Variants in COL25A1 observed in about 807,000 individuals in gnomAD.
The protein encoded by COL25A1 is collagen alpha-1(XXV) chain.
Under a neutral mutation model 128.4 loss-of-function variants are expected in COL25A1, and 103 were observed. The ratio of observed to expected loss-of-function variants is 0.80; its 90% CI spans 0.68 to 0.94. COL25A1 has a LOEUF of 0.94. COL25A1 is among the 40% of genes least tolerant of loss of function. COL25A1 has a pLI of 0.00. For missense variants in COL25A1, 745 were observed against 840.0 expected (o/e 0.89, Z 1.40); for synonymous variants, 279 against 277.2 (o/e 1.01, Z -0.06).
intron 8 of COL25A1, among the ~76,000 whole-genome samples, chr4:108,950,979 C>G (rs1031930147): frequency 6.6e-6 from 1 of 152,116 alleles, no homozygotes; most frequent in East Asian, 1.9e-4. Context: ...AATTGAGACA[C>G]GTGAAGATGA....
chr4:108,879,522 A>T (rs1578638556), intron 19 of COL25A1, among the ~76,000 whole-genome samples: 1 of 152,128 alleles, frequency 6.6e-6, no homozygotes, highest in South Asian at 2.1e-4. Flanking sequence ...ATCCCGGCTC[A>T]CTGCAGCCTC....
intron 32 of COL25A1, among the ~76,000 whole-genome samples, chr4:108,829,993 A>C (rs1732886380): frequency 6.6e-6 from 1 of 152,202 alleles, no homozygotes; most frequent in Non-Finnish European, 1.5e-5. Context: ...CATGTGGAAA[A>C]GGGCTCCCAA....
intron 5 of COL25A1, among the ~76,000 whole-genome samples, chr4:109,044,867 C>A (rs997559961): frequency 1.3e-5 from 2 of 152,148 alleles, no homozygotes; most frequent in African/African-American, 4.8e-5. Context: ...ATTAAAATTA[C>A]AGAAACTGTC....
At chr4:108,956,223 G>A (rs1275607283) in intron 8 of COL25A1, among the ~76,000 whole-genome samples, 2 of 152,082 alleles carry the variant, frequency 1.3e-5, no homozygotes, top group African/African-American at 2.4e-5. Context: ...TATGTAACTG[G>A]ATTTCAGCAA....
chr4:109,226,204 AT>A (rs1778794344), intron 3 of COL25A1, among the ~76,000 whole-genome samples: 2 of 152,106 alleles, frequency 1.3e-5, no homozygotes, highest in Admixed American at 1.3e-4. Flanking sequence ...GGAGTGTGGA[AT>A]AATAGACTGG....
chr4:108,923,286 G>A (rs551765364), intron 11 of COL25A1, among the ~76,000 whole-genome samples: 3 of 152,258 alleles, frequency 2.0e-5, no homozygotes, highest in African/African-American at 2.4e-5. Context: ...TGGTACAAAT[G>A]TAAGTTTATA....
intron 20 of COL25A1, 40 bp from the exon 21 acceptor site, chr4:108,863,427 C>A (rs376632978): frequency 3.2e-6 from 5 of 1,552,524 alleles, no homozygotes; most frequent in Non-Finnish European, 2.6e-6. Context: ...TCATTCCCCC[C>A]ACCCAGGCTG....
intron 3 of COL25A1, among the ~76,000 whole-genome samples, chr4:109,131,687 G>A (rs1260436906): frequency 4.6e-5 from 7 of 152,154 alleles, no homozygotes; most frequent in Admixed American, 3.3e-4. Context: ...CAGGAGAGCA[G>A]GAGTGTGACG....
chr4:108,809,874 A>T lies in COL25A1; in HGVS notation c.*4053T>A, dbSNP rs1730658539. On this transcript the variant is annotated 3_prime_UTR_variant, in exon 38 of 38. Coordinates refer to ENST00000399132, the MANE Select transcript of COL25A1 (RefSeq NM_198721.4). ...ATTTTAATAGCCAGAATCACATGTG[A>T]TTGTTCTTACTTATTATTTTTAGAA... is the stretch of plus-strand genomic sequence containing the variant. 6.6e-6 allele frequency: 1 copy of T among 152,046 alleles called. No individual in the cohort carries two copies. Among genetic ancestry groups the T allele is most frequent in the African/African-American group, 2.4e-5 (1 of 41,458 alleles). The allele number at this position is 152,046 out of a possible 1,614,324, so 9.4% of individuals were successfully genotyped here. A position where few individuals can be genotyped will look rare whatever the true frequency, so the allele number is the denominator to read the frequency against.
intron 3 of COL25A1, among the ~76,000 whole-genome samples, chr4:109,159,518 C>T (rs1421919801): frequency 6.6e-6 from 1 of 152,178 alleles, no homozygotes; most frequent in Admixed American, 6.5e-5. Flanking sequence ...TAGGTCTTTG[C>T]CTCCCCAGCA....
At chr4:108,889,116 A>G (rs554359533) in intron 18 of COL25A1, 105 bp downstream of exon 18, 2 of 1,096,144 alleles carry the variant, frequency 1.8e-6, no homozygotes, top group South Asian at 2.8e-5. Context: ...CAAAACATGA[A>G]AACCGCATCA....
Position 108,813,576 on chromosome 4 carries a change from G to T in COL25A1, c.*351C>A. The stretch of plus-strand genomic sequence containing the variant: ...AGTCCATATTTGGTCACCATTTCAT[G>T]TAAACTATTTCATGGCACTTTTTGT... On this transcript the variant is annotated 3_prime_UTR_variant, in exon 38 of 38. Transcript: ENST00000399132. The T allele has an allele frequency of 4.3e-6, 1 of 232,616 alleles. No homozygotes were observed. The highest frequency in any genetic ancestry group is 8.4e-6 in the Non-Finnish European group (1 of 118,920). 14.4% of individuals were successfully genotyped at this position (232,616 alleles called of 1,614,324 possible).
At chr4:109,225,540 G>C (rs1778744953) in intron 3 of COL25A1, among the ~76,000 whole-genome samples, 1 of 152,150 alleles carries the variant, frequency 6.6e-6, no homozygotes, top group Non-Finnish European at 1.5e-5. Flanking sequence ...AAAACAGTAT[G>C]GAGATTTTGC....
chr4:108,924,553 T>C (rs369697072), intron 11 of COL25A1, among the ~76,000 whole-genome samples: 3 of 152,154 alleles, frequency 2.0e-5, no homozygotes, highest in African/African-American at 7.2e-5. Flanking sequence ...TACTTAAGAA[T>C]ATCTCTATGG....
intron 3 of COL25A1, among the ~76,000 whole-genome samples, chr4:109,276,384 C>T (rs1411160010): frequency 2.7e-5 from 4 of 149,828 alleles, no homozygotes; most frequent in African/African-American, 9.9e-5. Flanking sequence ...TGCACTCCAG[C>T]CTGGGAGACA....
intron 3 of COL25A1, among the ~76,000 whole-genome samples, chr4:109,115,856 A>G (rs1487077791): frequency 6.6e-6 from 1 of 151,976 alleles, no homozygotes; most frequent in African/African-American, 2.4e-5. Flanking sequence ...TGCCAAGATG[A>G]CATCTCAATA....
intron 3 of COL25A1, among the ~76,000 whole-genome samples, chr4:109,202,816 T>C (rs1324054396): frequency 6.6e-6 from 1 of 152,134 alleles, no homozygotes; most frequent in Non-Finnish European, 1.5e-5. Flanking sequence ...TCTAGCTATA[T>C]GGAGATAATA....
At chr4:108,849,814 A>T (rs1735560607) in intron 26 of COL25A1, among the ~76,000 whole-genome samples, 1 of 152,180 alleles carries the variant, frequency 6.6e-6, no homozygotes, top group Non-Finnish European at 1.5e-5. Flanking sequence ...AAACCACAAT[A>T]TTGAAATGGT....
intron 3 of COL25A1, among the ~76,000 whole-genome samples, chr4:109,062,734 T>C (rs1317246406): frequency 1.3e-5 from 2 of 152,178 alleles, no homozygotes; most frequent in African/African-American, 4.8e-5. Context: ...CTTAATCAGG[T>C]TTAATCATTC....
Sources: gnomAD v4.1 joint callset for allele counts (sites outside exome capture counted in the v4.1 genomes callset) on GRCh38, gnomAD v4.1.1 for gene constraint, MANE v1.5 for transcripts, NCBI Gene and HGNC (gene_info 2026-07-23, HGNC 2026-07-21) for gene names.